KIAA1958: variants seen among roughly 807,000 people sequenced by gnomAD.
KIAA1958 encodes uncharacterized protein KIAA1958.
In KIAA1958, 14 loss-of-function variants were observed where a neutral mutation model predicts 47.2. The observed-to-expected ratio is 0.30, with a 90% CI of 0.20 to 0.46. The LOEUF is 0.46. Ranked by LOEUF, KIAA1958 falls within the 20% of genes least tolerant of loss-of-function variation. KIAA1958 has a pLI of 1.00. For synonymous variants in KIAA1958, 354 were observed against 353.3 expected (o/e 1.00, Z -0.02); for missense variants, 803 against 909.2 (o/e 0.88, Z 1.50).
intron 3 of KIAA1958, among the ~76,000 whole-genome samples, chr9:112,657,987 G>A (rs1414654152): frequency 6.6e-6 from 1 of 151,934 alleles, no homozygotes; most frequent in African/African-American, 2.4e-5. Flanking sequence ...CTCCCAAGTA[G>A]CTGGGACTAC....
intron 1 of KIAA1958, among the ~76,000 whole-genome samples, chr9:112,558,730 C>T (rs1423441991): frequency 6.6e-6 from 1 of 152,190 alleles, no homozygotes; most frequent in East Asian, 1.9e-4. Context: ...TCACCATCCA[C>T]ATACCTAAAA....
At chr9:112,579,144 A>G (rs1228218758) in intron 2 of KIAA1958, among the ~76,000 whole-genome samples, 3 of 152,078 alleles carry the variant, frequency 2.0e-5, no homozygotes, top group African/African-American at 4.8e-5. Flanking sequence ...CAAGTAGCTC[A>G]TAGTCTCTCA....
At chr9:112,504,852 A>G (rs1834206385) in intron 1 of KIAA1958, among the ~76,000 whole-genome samples, 1 of 152,194 alleles carries the variant, frequency 6.6e-6, no homozygotes, top group Non-Finnish European at 1.5e-5. Context: ...TATGAGGTAC[A>G]TGTAAAATTT....
At chr9:112,537,092 C>T (rs929725466) in intron 1 of KIAA1958, among the ~76,000 whole-genome samples, 14 of 149,222 alleles carry the variant, frequency 9.4e-5, no homozygotes, top group African/African-American at 3.4e-4. Flanking sequence ...CCCCTCTTCT[C>T]CTCTCTTCTC....
At chr9:112,583,746 T>C (rs1460565567) in intron 2 of KIAA1958, among the ~76,000 whole-genome samples, 1 of 152,180 alleles carries the variant, frequency 6.6e-6, no homozygotes, top group East Asian at 1.9e-4. Flanking sequence ...CATTACGATG[T>C]AGTGTGTGTT....
intron 1 of KIAA1958, among the ~76,000 whole-genome samples, chr9:112,517,020 G>T (rs1175691114): frequency 1.3e-5 from 2 of 152,184 alleles, no homozygotes; most frequent in Non-Finnish European, 2.9e-5. Flanking sequence ...CTGAAACTCA[G>T]TGATTGGTAT....
intron 1 of KIAA1958, among the ~76,000 whole-genome samples, chr9:112,518,276 T>C (rs1834473360): frequency 6.6e-6 from 1 of 152,222 alleles, no homozygotes; most frequent in African/African-American, 2.4e-5. Context: ...TACATGAGTG[T>C]TCATAGCAAC....
chr9:112,495,818 G>C (rs1027677825), intron 1 of KIAA1958, among the ~76,000 whole-genome samples: 4 of 152,194 alleles, frequency 2.6e-5, no homozygotes, highest in African/African-American at 9.7e-5. Flanking sequence ...TTTGTAACTT[G>C]CTCTGGCTAG....
intron 2 of KIAA1958, among the ~76,000 whole-genome samples, chr9:112,639,960 G>T (rs1256032219): frequency 1.3e-5 from 2 of 152,174 alleles, no homozygotes; most frequent in African/African-American, 2.4e-5. Context: ...AAAATTCTCT[G>T]TCTTTTCATT....
chr9:112,533,586 A>ACC (rs1564162375), intron 1 of KIAA1958, among the ~76,000 whole-genome samples: 4,314 of 13,622 alleles, frequency 0.32, 335 homozygotes, highest in African/African-American at 0.53. Context: ...ATCCCAAAAA[A>ACC]AAAAAAAAAA....
intron 1 of KIAA1958, among the ~76,000 whole-genome samples, chr9:112,534,641 T>C (rs1029744073): frequency 3.9e-5 from 6 of 152,034 alleles, no homozygotes; most frequent in African/African-American, 1.4e-4. Context: ...CCTCCCGGGT[T>C]CAAGCGATTC....
At position 112,668,111 on chromosome 9, in the gene KIAA1958, A is replaced by G; in HGVS notation, c.*8042A>G. 1.6e-5 allele frequency: 1 copy of G among 63,714 alleles called. No individual in the cohort carries two copies. Among genetic ancestry groups the G allele is most frequent in the Non-Finnish European group, 2.8e-5 (1 of 35,576 alleles). The allele number at this position is 63,714 out of a possible 1,614,324, so 3.9% of individuals were successfully genotyped here. On this transcript the variant is annotated 3_prime_UTR_variant, in exon 4 of 4. Transcript: ENST00000337530. ...GATTTTCCCCACCATCATTTAAAAC[A>G]CTCTATCCTGAAAGAGTCCACTGCT...
At chr9:112,646,270 G>A (rs186861666) in intron 3 of KIAA1958, among the ~76,000 whole-genome samples, 1 of 152,220 alleles carries the variant, frequency 6.6e-6, no homozygotes, top group Non-Finnish European at 1.5e-5. Context: ...TTAAGTGCCA[G>A]GCTAAAATCT....
intron 2 of KIAA1958, among the ~76,000 whole-genome samples, chr9:112,606,628 A>G (rs960931390): frequency 2.0e-5 from 3 of 152,242 alleles, no homozygotes; most frequent in Admixed American, 2.0e-4. Flanking sequence ...ATTTTTTATC[A>G]TCAGCATTAG....
chr9:112,581,251 A>C (rs928694596), intron 2 of KIAA1958, among the ~76,000 whole-genome samples: 5 of 152,212 alleles, frequency 3.3e-5, no homozygotes, highest in African/African-American at 1.2e-4. Context: ...GCAAAAATAT[A>C]GGTAAAGCAC....
chr9:112,568,527 A>G (rs1274891821), intron 1 of KIAA1958, among the ~76,000 whole-genome samples: 1 of 152,076 alleles, frequency 6.6e-6, no homozygotes, highest in Non-Finnish European at 1.5e-5. Flanking sequence ...AGTCTTCCCG[A>G]TGTTTATACC....
intron 2 of KIAA1958, among the ~76,000 whole-genome samples, chr9:112,599,836 A>C (rs1036370283): frequency 6.6e-6 from 1 of 152,212 alleles, no homozygotes; most frequent in Non-Finnish European, 1.5e-5. Flanking sequence ...CAGATATTTC[A>C]GACATATCAG....
At chr9:112,595,910 C>T (rs1345415571) in intron 2 of KIAA1958, among the ~76,000 whole-genome samples, 3 of 151,674 alleles carry the variant, frequency 2.0e-5, no homozygotes, top group Admixed American at 6.6e-5. Context: ...CTCAGCCTCC[C>T]GAGTAGCTGG....
intron 2 of KIAA1958, among the ~76,000 whole-genome samples, chr9:112,640,882 C>T (rs1392885599): frequency 6.6e-6 from 1 of 152,010 alleles, no homozygotes; most frequent in Non-Finnish European, 1.5e-5. Context: ...TTTGTTTGTT[C>T]TTTATTTCTT....
Sources: allele counts gnomAD v4.1 joint callset (sites outside exome capture counted in the v4.1 genomes callset), GRCh38; gene constraint gnomAD v4.1.1; transcripts MANE v1.5; gene names NCBI Gene and HGNC (gene_info 2026-07-23, HGNC 2026-07-21).